The following SMAD9 variants were observed in gnomAD, a reference collection of about 807,000 sequenced individuals.
SMAD9 encodes SMAD family member 9, also known as MAD homolog 9.
In SMAD9, 36 loss-of-function variants were observed where a neutral mutation model predicts 46.1. The ratio of observed to expected loss-of-function variants is 0.78; its 90% CI spans 0.60 to 1.03. The LOEUF is 1.03. SMAD9 is among the 50% of genes least tolerant of loss of function. SMAD9 has a pLI of 0.00. For synonymous variants in SMAD9, 245 were observed against 237.1 expected, an observed-to-expected ratio of 1.03 and a Z score of -0.31; for missense variants, 572 against 599.8, an observed-to-expected ratio of 0.95 and a Z score of 0.48.
intron 2 of SMAD9, among the ~76,000 whole-genome samples, chr13:36,878,635 G>A (rs2058370137): frequency 6.6e-6 from 1 of 152,132 alleles, no homozygotes; most frequent in Non-Finnish European, 1.5e-5. Context: ...GCTGTTTTCA[G>A]ACCTAGACAT....
At chr13:36,880,165 T>C (rs2058390577) in intron 1 of SMAD9, among the ~76,000 whole-genome samples, 1 of 152,256 alleles carries the variant, frequency 6.6e-6, no homozygotes, top group Non-Finnish European at 1.5e-5. Flanking sequence ...CAGGTCATTC[T>C]GCCCTCAAAG....
Position 36,915,545 on chromosome 13 carries a change from AAGAG to A in SMAD9, c.-187+4567_-187+4570del, listed in dbSNP as rs138874977. Among the ~76,000 whole-genome samples the A allele has an allele frequency of 5.5e-3, 832 of 150,762 alleles. 4 individuals carry two copies. Among genetic ancestry groups the A allele is most frequent in the Non-Finnish European group, 7.6e-3 (516 of 67,486 alleles). ...AATCAGAGTACCAAAGAATGAGACA[AAGAG>A]AGAGAGAGAGAGAGAAGATTTTGAT... On this transcript the variant is annotated intron_variant, in intron 1 of 6. Transcript: ENST00000379826.
intron 1 of SMAD9, among the ~76,000 whole-genome samples, chr13:36,883,587 C>A (rs1041331688): frequency 6.6e-6 from 1 of 152,072 alleles, no homozygotes; most frequent in African/African-American, 2.4e-5. Flanking sequence ...ACCATCTCTA[C>A]AAAAAATACA....
chr13:36,903,927 T>G (rs2058598355), intron 1 of SMAD9, among the ~76,000 whole-genome samples: 2 of 152,136 alleles, frequency 1.3e-5, no homozygotes, highest in African/African-American at 4.8e-5. Flanking sequence ...AGAAACTCAT[T>G]AGTAATTTTC....
At chr13:36,864,334 C>A (rs2058211259) in intron 5 of SMAD9, among the ~76,000 whole-genome samples, 1 of 152,162 alleles carries the variant, frequency 6.6e-6, no homozygotes, top group Non-Finnish European at 1.5e-5. Context: ...GACGTTTGAA[C>A]CAGAGCAACT....
intron 3 of SMAD9, 29 bp downstream of exon 3, chr13:36,872,628 AT>A: frequency 6.2e-7 from 1 of 1,612,972 alleles, no homozygotes; most frequent in Non-Finnish European, 8.5e-7. Context: ...ATTTTCCCGT[AT>A]TTCCCCACAG....
intron 5 of SMAD9, among the ~76,000 whole-genome samples, chr13:36,863,695 G>A (rs1009776046): frequency 1.3e-5 from 2 of 152,042 alleles, no homozygotes; most frequent in African/African-American, 2.4e-5. Context: ...TTGTTAAAAA[G>A]AGACCAGCAC....
At chr13:36,916,062 C>CGA (rs1158076286) in intron 1 of SMAD9, among the ~76,000 whole-genome samples, 1 of 152,198 alleles carries the variant, frequency 6.6e-6, no homozygotes, top group Non-Finnish European at 1.5e-5. Context: ...TTCTGCCTGA[C>CGA]GAGGCTGATA....
intron 5 of SMAD9, among the ~76,000 whole-genome samples, chr13:36,859,058 T>G (rs952745474): frequency 1.3e-5 from 2 of 152,250 alleles, no homozygotes; most frequent in South Asian, 4.1e-4. Context: ...ACAGGATGTT[T>G]TAAAACTTGT....
Position 36,845,114 on chromosome 13 carries a change from GTATATATA to G in SMAD9, c.*3554_*3561del, listed in dbSNP as rs71084449. The G allele has an allele frequency of 2.3e-5, 2 of 88,674 alleles. No homozygotes were observed. Among genetic ancestry groups the G allele is most frequent in the African/African-American group, 1.6e-4 (2 of 12,856 alleles). The allele number at this position is 88,674 out of a possible 1,614,324, so 5.5% of individuals were successfully genotyped here. ...GTTGAATATATATGTGTGTGTGTGT[GTATATATA>G]TATATATATATACACACTAAATATT... On this transcript the variant is annotated 3_prime_UTR_variant, in exon 7 of 7. Transcript: ENST00000379826.
At position 36,845,912 on chromosome 13, in the gene SMAD9, A is replaced by C. The variant is rs1301478370; in HGVS notation, c.*2764T>G. 1.3e-5 allele frequency: 2 copies of C among 152,154 alleles called. No homozygotes were observed. Among genetic ancestry groups the C allele is most frequent in the African/African-American group, 4.8e-5 (2 of 41,448 alleles). 9.4% of individuals were successfully genotyped at this position (152,154 alleles called of 1,614,324 possible). On this transcript the variant is annotated 3_prime_UTR_variant, in exon 7 of 7. Coordinates refer to ENST00000379826, the MANE Select transcript of SMAD9 (RefSeq NM_001127217.3). ...TCACAGAAAATTCAGATTCACTGCA[A>C]TATTGTGTTCTGGCTTCCCAAAGCT...
At chr13:36,909,923 C>T (rs1305109970) in intron 1 of SMAD9, among the ~76,000 whole-genome samples, 7 of 152,142 alleles carry the variant, frequency 4.6e-5, no homozygotes, top group Admixed American at 2.6e-4. Context: ...ACCGGCTGGG[C>T]GCAGTGGCTC....
intron 1 of SMAD9, among the ~76,000 whole-genome samples, chr13:36,917,046 C>T (rs905535476): frequency 6.6e-6 from 1 of 152,014 alleles, no homozygotes; most frequent in Non-Finnish European, 1.5e-5. Context: ...GAAGCCGACA[C>T]CAAAGGAGAG....
rs185362568 is a variant in SMAD9, at chr13:36,870,452, C to T, written c.670+2206G>A. Among the ~76,000 whole-genome samples the T allele has an allele frequency of 7.9e-4, 121 of 152,298 alleles. 1 individual carries two copies. The highest frequency in any genetic ancestry group is 1.3e-3 in the Admixed American group (20 of 15,302). ...CTCCAGCATCTCTGCCTTCACCCTA[C>T]AGTAAGTCCTGTTGGACCTCCCTCC... On this transcript the variant is annotated intron_variant, in intron 3 of 6. Coordinates refer to ENST00000379826, the MANE Select transcript of SMAD9 (RefSeq NM_001127217.3).
chr13:36,877,065 G>C (rs1052011213), intron 2 of SMAD9, among the ~76,000 whole-genome samples: 1 of 152,090 alleles, frequency 6.6e-6, no homozygotes, highest in African/African-American at 2.4e-5. Context: ...GAATCTTACA[G>C]AACATGAAAA....
intron 2 of SMAD9, among the ~76,000 whole-genome samples, chr13:36,877,687 C>A (rs1234065193): frequency 1.3e-5 from 2 of 151,898 alleles, no homozygotes; most frequent in Non-Finnish European, 2.9e-5. Flanking sequence ...CAACTCGCTC[C>A]AGGATTTAGG....
intron 5 of SMAD9, among the ~76,000 whole-genome samples, chr13:36,862,290 C>A (rs1004802955): frequency 6.6e-6 from 1 of 152,114 alleles, no homozygotes; most frequent in African/African-American, 2.4e-5. Context: ...GAGGTTGGCA[C>A]GAGATACAGG....
chr13:36,901,190 T>C (rs2058572880), intron 1 of SMAD9, among the ~76,000 whole-genome samples: 1 of 152,184 alleles, frequency 6.6e-6, no homozygotes, highest in South Asian at 2.1e-4. Context: ...AGCATATACC[T>C]AGGAGTGGAA....
chr13:36,879,589 G>C lies in SMAD9; in HGVS notation c.101C>G (p.Ala34Gly). The change falls in exon 2 of 7, where the codon GCA (alanine) becomes GGA (glycine). Residue 34 changes from alanine (A) to glycine (G), a missense_variant. Transcript: ENST00000379826. ...WKQGDEEEKWAEKAVDSLVKK... is the reference protein window; with the variant it reads ...WKQGDEEEKWGEKAVDSLVKK... ...CACTAGAGAGTCCACTGCCTTCTCT[G>C]CCCACTTTTCCTCTTCATCTCCTTG... 6.2e-7 allele frequency: 1 copy of C among 1,614,150 alleles called. No homozygotes were observed. The highest frequency in any genetic ancestry group is 8.5e-7 in the Non-Finnish European group (1 of 1,180,014).
Sources: gnomAD v4.1 joint callset for allele counts (sites outside exome capture counted in the v4.1 genomes callset) on GRCh38, gnomAD v4.1.1 for gene constraint, MANE v1.5 for transcripts, NCBI Gene and HGNC (gene_info 2026-07-23, HGNC 2026-07-21) for gene names.